SLC13A4: variants seen among roughly 807,000 people sequenced by gnomAD.
SLC13A4 encodes Na(+)/sulfate cotransporter SUT-1.
In SLC13A4, 28 loss-of-function variants were observed where a neutral mutation model predicts 72.7. That is an observed-to-expected ratio of 0.39 (90% CI 0.29 to 0.53). The LOEUF (loss-of-function observed/expected upper bound fraction) is 0.53, where lower values mean the gene tolerates loss of function less well. Among genes scored for constraint, SLC13A4 ranks in the 20% least tolerant of loss-of-function variants. SLC13A4 has a pLI of 0.78. For missense variants in SLC13A4, 653 were observed against 788.0 expected (o/e 0.83, Z 2.05); for synonymous variants, 312 against 325.5 (o/e 0.96, Z 0.45).
At chr7:135,690,794 C>T (rs544365508) in intron 13 of SLC13A4, among the ~76,000 whole-genome samples, 58 of 152,298 alleles carry the variant, frequency 3.8e-4, no homozygotes, top group African/African-American at 1.4e-3. Flanking sequence ...TGAACATTCT[C>T]AGCTGCTTTG....
intron 15 of SLC13A4, 125 bp from the exon 16 acceptor site, chr7:135,681,825 G>A (rs751078550): frequency 1.5e-6 from 2 of 1,329,804 alleles, no homozygotes; most frequent in Non-Finnish European, 2.0e-6. Flanking sequence ...GCTGCCTGGG[G>A]TGCTCTAGCA....
chr7:135,685,459 G>C, intron 14 of SLC13A4, 63 bp downstream of exon 14: 7 of 1,509,018 alleles, frequency 4.6e-6, no homozygotes, highest in Non-Finnish European at 6.4e-6. Context: ...CCCTGAGCCA[G>C]GCCTGCCACT....
chr7:135,703,222 A>G (rs1036153834), intron 5 of SLC13A4: 5 of 283,698 alleles, frequency 1.8e-5, no homozygotes, highest in African/African-American at 2.2e-5. Context: ...TCACAGATCT[A>G]TGGTCCTGGC....
At chr7:135,726,188 A>G (rs1167545651) in intron 1 of SLC13A4, among the ~76,000 whole-genome samples, 3 of 152,110 alleles carry the variant, frequency 2.0e-5, no homozygotes, top group Non-Finnish European at 4.4e-5. Context: ...AACAAAAACA[A>G]GAAAAGCCAC....
chr7:135,713,066 C>T (rs1796339032), intron 2 of SLC13A4, among the ~76,000 whole-genome samples: 3 of 152,136 alleles, frequency 2.0e-5, no homozygotes, highest in South Asian at 2.1e-4. Context: ...TGCATTTTCC[C>T]GATGTGAGGA....
At position 135,706,146 on chromosome 7, in the gene SLC13A4, C is replaced by T. The variant is rs1225319580; in HGVS notation, c.520G>A (p.Glu174Lys). 7.5e-6 allele frequency: 12 copies of T among 1,603,356 alleles called. No homozygotes were observed. Among genetic ancestry groups the T allele is most frequent in the East Asian group, 4.5e-5 (2 of 44,602 alleles). Residue 174 changes from glutamate to lysine, a missense_variant, in exon 4 of 16, where the codon GAA becomes AAA. Physicochemically the swap from Glu to Lys is moderately conservative, Grantham distance 56. Coordinates refer to ENST00000682651, the MANE Select transcript of SLC13A4 (RefSeq NM_001318192.2). ...ACTGTACTGATGGGTTCGGCCTCTT[C>T]GGTGTTGGAGTTGCCCGCCACGAGC... is the stretch of plus-strand genomic sequence containing the variant. The part of the protein sequence containing the change: ...EQLVAGNSNT[E>K]EAEPISLDVK...
chr7:135,715,749 G>A (rs147184682), intron 2 of SLC13A4, among the ~76,000 whole-genome samples: 2 of 152,314 alleles, frequency 1.3e-5, no homozygotes, highest in East Asian at 3.9e-4. Context: ...CAGGTATCAT[G>A]CCCAGGCTAT....
chr7:135,709,650 G>A (rs767963723), intron 2 of SLC13A4, among the ~76,000 whole-genome samples: 1 of 152,152 alleles, frequency 6.6e-6, no homozygotes, highest in Non-Finnish European at 1.5e-5. Context: ...TGTTTCGCAT[G>A]TTTGAGGTTC....
At chr7:135,695,630 G>C (rs1795884083) in intron 8 of SLC13A4, 143 bp from the exon 9 acceptor site, 1 of 918,486 alleles carries the variant, frequency 1.1e-6, no homozygotes, top group Non-Finnish European at 1.6e-6. Flanking sequence ...ACGTTGCCTA[G>C]GACTCATTTA....
rs181956735 is a variant in SLC13A4, at chr7:135,715,476, T to C, written c.228+5919A>G. ...GTGCATTAGTGCATATGAGTGTGTGTATGTGTATGTATGAGTGGGTGTGTA... is the reference window on the plus strand; with the variant it reads ...GTGCATTAGTGCATATGAGTGTGTGCATGTGTATGTATGAGTGGGTGTGTA... On this transcript the variant is annotated intron_variant, in intron 2 of 15. Transcript: ENST00000682651. Among the ~76,000 whole-genome samples, 125 of 139,066 alleles carry C rather than the reference T, an allele frequency of 9.0e-4. 1 individual carries two copies. The highest frequency in any genetic ancestry group is 3.3e-3 in the African/African-American group (120 of 36,318). The allele number at this position is 139,066 out of a possible 152,430, so 91.2% of individuals were successfully genotyped here. A position where few individuals can be genotyped will look rare whatever the true frequency, so the allele number is the denominator to read the frequency against.
At chr7:135,691,390 C>T (rs915898513) in intron 12 of SLC13A4, 65 bp from the exon 13 acceptor site, 10 of 1,558,426 alleles carry the variant, frequency 6.4e-6, no homozygotes, top group Non-Finnish European at 8.7e-6. Flanking sequence ...AGACAGGAGC[C>T]TAATTGGTGA....
intron 2 of SLC13A4, among the ~76,000 whole-genome samples, chr7:135,721,038 C>T (rs766818381): frequency 6.6e-6 from 1 of 152,132 alleles, no homozygotes; most frequent in African/African-American, 2.4e-5. Context: ...GTGTGCTTAT[C>T]GTCTAAATAG....
intron 1 of SLC13A4, among the ~76,000 whole-genome samples, chr7:135,723,573 G>C (rs536639840): frequency 6.6e-6 from 1 of 152,188 alleles, no homozygotes; most frequent in South Asian, 2.1e-4. Flanking sequence ...ATCAGGACTC[G>C]TGTCTGATTT....
chr7:135,699,049 G>T (rs1321906929), intron 8 of SLC13A4, among the ~76,000 whole-genome samples: 1 of 151,884 alleles, frequency 6.6e-6, no homozygotes, highest in Non-Finnish European at 1.5e-5. Context: ...CCACAATTCT[G>T]TCTCAACCTC....
At chr7:135,693,585 G>A (rs147481032) in intron 10 of SLC13A4, among the ~76,000 whole-genome samples, 13 of 152,322 alleles carry the variant, frequency 8.5e-5, no homozygotes, top group African/African-American at 2.9e-4. Flanking sequence ...ATGCAAAGTT[G>A]TATGTGCCAA....
chr7:135,706,995 A>C (rs1796179686), intron 3 of SLC13A4, among the ~76,000 whole-genome samples: 1 of 152,240 alleles, frequency 6.6e-6, no homozygotes, highest in African/African-American at 2.4e-5. Context: ...AGTTTCCATA[A>C]GATAAGCCAA....
chr7:135,724,819 C>G (rs1308202519), intron 1 of SLC13A4, among the ~76,000 whole-genome samples: 1 of 152,152 alleles, frequency 6.6e-6, no homozygotes, highest in African/African-American at 2.4e-5. Context: ...ATGGAATCTC[C>G]ATAAACTTCA....
intron 2 of SLC13A4, among the ~76,000 whole-genome samples, chr7:135,709,516 C>T (rs952746434): frequency 6.6e-6 from 1 of 151,854 alleles, no homozygotes; most frequent in South Asian, 2.1e-4. Context: ...ACCTCCCAGG[C>T]TCAGGGTATA....
intron 4 of SLC13A4, 135 bp from the exon 5 acceptor site, chr7:135,705,785 G>A: frequency 1.3e-6 from 1 of 754,912 alleles, no homozygotes; most frequent in Non-Finnish European, 2.3e-6. Context: ...CCTTTGCTCT[G>A]TAAATAGAAT....
Sources: allele counts gnomAD v4.1 joint callset (sites outside exome capture counted in the v4.1 genomes callset), GRCh38; gene constraint gnomAD v4.1.1; transcripts MANE v1.5; gene names NCBI Gene and HGNC (gene_info 2026-07-23, HGNC 2026-07-21).